The following PCDH11X variants were observed in gnomAD, a reference collection of about 807,000 sequenced individuals.
The protein encoded by PCDH11X is protocadherin-11 X-linked.
Under a neutral mutation model 53.3 loss-of-function variants are expected in PCDH11X, and 18 were observed. The ratio of observed to expected loss-of-function variants is 0.34; its 90% confidence interval spans 0.23 to 0.50. The LOEUF is 0.50. Among genes scored for constraint, PCDH11X ranks in the 20% least tolerant of loss-of-function variants. The pLI is 0.98. For missense variants in PCDH11X, 570 were observed against 1,032.4 expected (o/e 0.55, Z 6.14); for synonymous variants, 279 against 393.3 (o/e 0.71, Z 3.44).
intron 9 of PCDH11X, among the ~76,000 whole-genome samples, chrX:92,418,491 T>C (rs1221312862): frequency 1.8e-5 from 2 of 111,138 alleles, no homozygotes; most frequent in Non-Finnish European, 3.8e-5. Flanking sequence ...CTAAATGCTT[T>C]GTATTGCCCC....
At chrX:92,183,361 A>G (rs2066031142) in intron 6 of PCDH11X, among the ~76,000 whole-genome samples, 3 of 100,525 alleles carry the variant, frequency 3.0e-5, no homozygotes, top group Non-Finnish European at 5.9e-5. Flanking sequence ...GGTTCAAGTG[A>G]TTCTCCTGCC....
chrX:91,946,085 C>G (rs146092685), intron 6 of PCDH11X, among the ~76,000 whole-genome samples: 4,945 of 109,019 alleles, frequency 0.045, 262 homozygotes, highest in African/African-American at 0.14. Flanking sequence ...TACTCAGAGC[C>G]ATTTTATTTA....
Position 92,425,305 on chromosome X carries a change from G to A in PCDH11X, c.3343+37372G>A, listed in dbSNP as rs2754991. 7.8e-3 allele frequency among the ~76,000 whole-genome samples: 859 copies of A among 110,266 alleles called. 13 individuals are homozygous for A. Among genetic ancestry groups the A allele is most frequent in the African/African-American group, 0.027 (823 of 30,480 alleles). On this transcript the variant is annotated intron_variant, in intron 9 of 10. Transcript: ENST00000682573. Reference sequence around the variant, plus strand: ...GTGAATTACAGTTTATACAAGGATCGTAGCAGTAGATGTGGCAGATATTTG... The same window carrying A: ...GTGAATTACAGTTTATACAAGGATCATAGCAGTAGATGTGGCAGATATTTG...
At chrX:92,597,418 A>G (rs1243847322) in intron 10 of PCDH11X, among the ~76,000 whole-genome samples, 1 of 111,359 alleles carries the variant, frequency 9.0e-6, no homozygotes, top group East Asian at 2.8e-4. Context: ...AAAAGTAGTC[A>G]AATTAATAAT....
intron 10 of PCDH11X, among the ~76,000 whole-genome samples, chrX:92,481,362 TCA>T (rs1249079918): frequency 1.8e-5 from 2 of 110,400 alleles, no homozygotes; most frequent in African/African-American, 6.6e-5. Flanking sequence ...AAAAGCCACC[TCA>T]CACACACTCA....
chrX:91,940,113 A>G (rs1030215629), intron 6 of PCDH11X, among the ~76,000 whole-genome samples: 2 of 110,228 alleles, frequency 1.8e-5, no homozygotes, highest in African/African-American at 6.6e-5. Context: ...TCCTTGTGAT[A>G]ATGAGTGAGT....
At chrX:92,128,211 G>T (rs2064905358) in intron 6 of PCDH11X, among the ~76,000 whole-genome samples, 1 of 109,158 alleles carries the variant, frequency 9.2e-6, no homozygotes, top group Non-Finnish European at 1.9e-5. Context: ...GCACTAAGTG[G>T]TATTTACTGA....
chrX:91,851,444 C>T (rs1354697824), intron 5 of PCDH11X, among the ~76,000 whole-genome samples: 5 of 111,358 alleles, frequency 4.5e-5, no homozygotes, highest in African/African-American at 1.6e-4. Context: ...TACTCTTTTC[C>T]ATATTTTTAG....
chrX:91,958,785 G>C lies in PCDH11X; in HGVS notation c.3033+79512G>C, dbSNP rs777297210. On this transcript the variant is annotated intron_variant, in intron 6 of 10. Coordinates refer to ENST00000682573, the MANE Select transcript of PCDH11X (RefSeq NM_032968.5). The stretch of plus-strand genomic sequence containing the variant: ...ACAGCTGCTTCTAATTAGCCATCTT[G>C]GATCGTGTTTTTTGCGACATTTTTA... Among the ~76,000 whole-genome samples the C allele has an allele frequency of 4.5e-5, 5 of 110,033 alleles. No individual in the cohort carries two copies. The East Asian group carries it at 1.4e-3, about 32-fold the overall frequency.
chrX:91,797,771 C>T (rs1935787707), intron 1 of PCDH11X, among the ~76,000 whole-genome samples: 1 of 108,993 alleles, frequency 9.2e-6, no homozygotes, highest in African/African-American at 3.3e-5. Context: ...TAAAATGCAG[C>T]AATTCCTTAT....
chrX:92,045,978 G>A (rs1308828744), intron 6 of PCDH11X, among the ~76,000 whole-genome samples: 40 of 108,074 alleles, frequency 3.7e-4, no homozygotes, highest in African/African-American at 1.3e-3. Context: ...AGTTTATTTT[G>A]GCAGGGATTC....
intron 9 of PCDH11X, among the ~76,000 whole-genome samples, chrX:92,437,577 A>G (rs1423194058): frequency 1.8e-5 from 2 of 108,975 alleles, no homozygotes; most frequent in African/African-American, 3.4e-5. Flanking sequence ...AATTTCACTC[A>G]CTTCTATTAA....
intron 6 of PCDH11X, among the ~76,000 whole-genome samples, chrX:91,936,594 G>T (rs2061447659): frequency 9.4e-6 from 1 of 105,857 alleles, no homozygotes; most frequent in African/African-American, 3.4e-5. Context: ...GTTGAGAATG[G>T]TTCCTTGCCT....
chrX:91,969,233 A>C (rs2061911497), intron 6 of PCDH11X, among the ~76,000 whole-genome samples: 1 of 110,109 alleles, frequency 9.1e-6, no homozygotes, highest in Non-Finnish European at 1.9e-5. Flanking sequence ...TAATTATATG[A>C]GCATTTGCTT....
chrX:92,231,208 TA>T (rs1415482218), intron 7 of PCDH11X, among the ~76,000 whole-genome samples: 2 of 111,538 alleles, frequency 1.8e-5, no homozygotes, highest in African/African-American at 3.3e-5. Context: ...TAGATGGGAA[TA>T]TTTTTTTGGT....
intron 8 of PCDH11X, among the ~76,000 whole-genome samples, chrX:92,356,705 A>C (rs1406712219): frequency 1.1e-5 from 1 of 91,693 alleles, no homozygotes; most frequent in Non-Finnish European, 2.2e-5. Flanking sequence ...TATATCTTTC[A>C]ACCTCATTGG....
chrX:91,924,286 A>T (rs1362945606), intron 6 of PCDH11X, among the ~76,000 whole-genome samples: 4 of 110,834 alleles, frequency 3.6e-5, no homozygotes, highest in Non-Finnish European at 7.5e-5. Context: ...GGGACGTTAG[A>T]AGAACTGACC....
At chrX:92,030,566 G>A (rs1436024744) in intron 6 of PCDH11X, among the ~76,000 whole-genome samples, 2 of 108,358 alleles carry the variant, frequency 1.8e-5, no homozygotes, top group African/African-American at 3.4e-5. Flanking sequence ...TGCTGTGCTA[G>A]AAAATACTAG....
intron 5 of PCDH11X, among the ~76,000 whole-genome samples, chrX:91,838,738 C>T (rs1005563894): frequency 4.1e-4 from 44 of 108,213 alleles, no homozygotes; most frequent in Non-Finnish European, 7.6e-4. Context: ...TATTAATTTG[C>T]TCTACTTTTG....
Sources: allele counts gnomAD v4.1 joint callset (sites outside exome capture counted in the v4.1 genomes callset), GRCh38; gene constraint gnomAD v4.1.1; transcripts MANE v1.5; gene names NCBI Gene and HGNC (gene_info 2026-07-23, HGNC 2026-07-21).